The following MAPRE3 variants were observed in gnomAD, a reference collection of about 807,000 sequenced individuals.
MAPRE3 encodes microtubule-associated protein RP/EB family member 3.
In MAPRE3, 2 loss-of-function variants were observed where a neutral mutation model predicts 30.5. The observed-to-expected ratio is 0.07, with a 90% CI of 0.03 to 0.21. The LOEUF (loss-of-function observed/expected upper bound fraction) is 0.21. Among genes scored for constraint, MAPRE3 ranks in the 10% least tolerant of loss-of-function variants. The pLI is 1.00. For missense variants in MAPRE3, 204 were observed against 351.8 expected (o/e 0.58, Z 3.36); for synonymous variants, 110 against 127.7 (o/e 0.86, Z 0.93).
chr2:26,986,944 G>A lies in MAPRE3; in HGVS notation c.-8+16142G>A, dbSNP rs764840694. Among the ~76,000 whole-genome samples the A allele has an allele frequency of 3.3e-5, 5 of 152,104 alleles. No individual in the cohort carries two copies. The highest frequency in any genetic ancestry group is 2.1e-4 in the South Asian group (1 of 4,822). ...GAGAGTGGGAAGCTGAGGAGCCACC[G>A]TGTGAAAGAGTTTCCACCTAGAGGT... On this transcript the variant is annotated intron_variant, in intron 1 of 6. Transcript: ENST00000233121. The surrounding 1 kb of genome is among the most constrained non-coding windows in gnomAD (Gnocchi z 4.2).
At chr2:27,003,961 C>T (rs568342024) in intron 1 of MAPRE3, among the ~76,000 whole-genome samples, 6 of 152,250 alleles carry the variant, frequency 3.9e-5, no homozygotes, top group African/African-American at 7.2e-5. Flanking sequence ...CACAACAGTC[C>T]GGCAGCATAG....
rs923550965 is a variant in MAPRE3 at position 26,986,244 on chromosome 2, T to A, written c.-8+15442T>A. Among the ~76,000 whole-genome samples the A allele has an allele frequency of 2.0e-5, 3 of 152,124 alleles. No individual in the cohort carries two copies. Among genetic ancestry groups the A allele is most frequent in the African/African-American group, 7.2e-5 (3 of 41,420 alleles). ...CTGCTTCCCCTTATAAGGACCCTGG[T>A]GATTACACTGGGCCCACTCAGATAA... On this transcript the variant is annotated intron_variant, in intron 1 of 6. Transcript: ENST00000233121. This position sits in a 1 kb window ranked among gnomAD's most constrained non-coding sequence, Gnocchi z 4.2.
At chr2:27,020,540 G>A (rs1254950278) in intron 1 of MAPRE3, among the ~76,000 whole-genome samples, 1 of 152,240 alleles carries the variant, frequency 6.6e-6, no homozygotes, top group Non-Finnish European at 1.5e-5. Context: ...GGCCTCTGGG[G>A]TGGGAAGGAG....
chr2:27,010,106 T>C (rs1377325703), intron 1 of MAPRE3, among the ~76,000 whole-genome samples: 1 of 152,238 alleles, frequency 6.6e-6, no homozygotes, highest in Non-Finnish European at 1.5e-5. Context: ...AAAGCAATTT[T>C]GTCTATTCTT....
Position 27,026,358 on chromosome 2 carries a change from C to A in MAPRE3, c.*10C>A, listed in dbSNP as rs1558389846. On this transcript the variant is annotated 3_prime_UTR_variant, in exon 7 of 7. Transcript: ENST00000233121. ...CCAGGACGAGTACTGAGGGCGGCCG[C>A]AGCCCTGGCTGACTGCACAGCTTCC... 6.2e-7 allele frequency: 1 copy of A among 1,611,376 alleles called. No homozygotes were observed. The highest frequency in any genetic ancestry group is 8.5e-7 in the Non-Finnish European group (1 of 1,178,366).
At chr2:27,021,560 G>A (rs1667110736) in intron 1 of MAPRE3, among the ~76,000 whole-genome samples, 1 of 152,186 alleles carries the variant, frequency 6.6e-6, no homozygotes, top group Non-Finnish European at 1.5e-5. Context: ...CACAAATCTG[G>A]TCAGGTTACT....
At chr2:26,995,008 G>T (rs958392280) in intron 1 of MAPRE3, among the ~76,000 whole-genome samples, 8 of 151,694 alleles carry the variant, frequency 5.3e-5, no homozygotes, top group African/African-American at 1.9e-4. Context: ...AGCTAATTTT[G>T]TTGTTGTTGT....
At chr2:27,008,228 G>T (rs1666772553) in intron 1 of MAPRE3, among the ~76,000 whole-genome samples, 1 of 152,116 alleles carries the variant, frequency 6.6e-6, no homozygotes, top group Non-Finnish European at 1.5e-5. Flanking sequence ...ATTATCCTTG[G>T]TGAAATTATG....
intron 1 of MAPRE3, among the ~76,000 whole-genome samples, chr2:27,019,578 G>T (rs1667069843): frequency 6.6e-6 from 1 of 152,232 alleles, no homozygotes. Context: ...AAGATGCAGG[G>T]CAGTGGGCGC....
chr2:27,023,720 A>T (rs1667164442), intron 3 of MAPRE3: 1 of 540,256 alleles, frequency 1.9e-6, no homozygotes. Context: ...GCCCACCCCA[A>T]CACTGAGCTC....
intron 4 of MAPRE3, among the ~76,000 whole-genome samples, chr2:27,025,334 C>T (rs1462041835): frequency 6.6e-6 from 1 of 152,216 alleles, no homozygotes; most frequent in African/African-American, 2.4e-5. Context: ...GCCCCAACAC[C>T]TCACACCTTG....
At chr2:26,992,272 G>A (rs1388510278) in intron 1 of MAPRE3, among the ~76,000 whole-genome samples, 1 of 151,160 alleles carries the variant, frequency 6.6e-6, no homozygotes, top group African/African-American at 2.4e-5. Context: ...TGTTGCCCAG[G>A]CTGGAGTGCA....
intron 1 of MAPRE3, among the ~76,000 whole-genome samples, chr2:27,004,225 C>A (rs1261649842): frequency 6.6e-6 from 1 of 152,160 alleles, no homozygotes; most frequent in Non-Finnish European, 1.5e-5. Flanking sequence ...CTTTTCACCA[C>A]CTTTTTCATG....
intron 1 of MAPRE3, among the ~76,000 whole-genome samples, chr2:26,999,488 CTTTTT>C (rs531651199): frequency 1.1e-4 from 9 of 79,004 alleles, no homozygotes; most frequent in Admixed American, 3.7e-4. Flanking sequence ...TTCCTTCTTT[CTTTTT>C]TTTTTTTTTT....
intron 1 of MAPRE3, among the ~76,000 whole-genome samples, chr2:27,016,065 T>C (rs1366948649): frequency 6.6e-6 from 1 of 152,222 alleles, no homozygotes; most frequent in Non-Finnish European, 1.5e-5. Flanking sequence ...TTCTTTCCCT[T>C]GGCTCCATTC....
chr2:26,978,791 G>A (rs997313534), intron 1 of MAPRE3, among the ~76,000 whole-genome samples: 1 of 152,178 alleles, frequency 6.6e-6, no homozygotes, highest in African/African-American at 2.4e-5. Context: ...TGTATTGTTA[G>A]TCACTATGGG....
chr2:26,989,035 C>T (rs1666274401), intron 1 of MAPRE3, among the ~76,000 whole-genome samples: 1 of 152,192 alleles, frequency 6.6e-6, no homozygotes, highest in Admixed American at 6.5e-5. Context: ...TTCATTCTTG[C>T]TGCCCGACAG....
At chr2:26,974,064 CGT>C (rs1558368856) in intron 1 of MAPRE3, among the ~76,000 whole-genome samples, 1 of 152,118 alleles carries the variant, frequency 6.6e-6, no homozygotes, top group African/African-American at 2.4e-5. Context: ...CCATGCAGAA[CGT>C]ATGTAAAAAC....
Position 26,996,694 on chromosome 2 carries a change from G to A in MAPRE3, c.-7-25518G>A, listed in dbSNP as rs142621214. On this transcript the variant is annotated intron_variant, in intron 1 of 6. Transcript: ENST00000233121. ...AGTCCCAGCTACTCGGGAGGCTGAG[G>A]CAGGAGAATGGCGTGAACCTGAGAA... 3.1e-3 allele frequency among the ~76,000 whole-genome samples: 468 copies of A among 152,256 alleles called. 3 individuals are homozygous for A. Among genetic ancestry groups the A allele is most frequent in the African/African-American group, 0.011 (446 of 41,540 alleles).
Sources: gnomAD v4.1 joint callset for allele counts (sites outside exome capture counted in the v4.1 genomes callset) on GRCh38, gnomAD v4.1.1 for gene constraint, Gnocchi (gnomAD v3.1) non-coding constraint, MANE v1.5 for transcripts, NCBI Gene and HGNC (gene_info 2026-07-23, HGNC 2026-07-21) for gene names.